Variants in CFAP46 observed in about 807,000 individuals in gnomAD.
CFAP46 encodes the protein cilia and flagella associated protein 46, also known as cilia- and flagella-associated protein 46.
Under a neutral mutation model 325.7 loss-of-function variants are expected in CFAP46, and 245 were observed. That is an observed-to-expected ratio of 0.75 (90% CI 0.68 to 0.84). The LOEUF is 0.84. CFAP46 is among the 40% of genes least tolerant of loss of function. CFAP46 has a pLI of 0.00. For missense variants in CFAP46, 3,346 were observed against 3,543.0 expected, an observed-to-expected ratio of 0.94 and a Z score of 1.41; for synonymous variants, 1,523 against 1,495.9, an observed-to-expected ratio of 1.02 and a Z score of -0.42.
chr10:132,942,303 C>T, intron 1 of CFAP46, 133 bp downstream of exon 1: 1 of 1,052,856 alleles, frequency 9.5e-7, no homozygotes, highest in African/African-American at 1.6e-5. Context: ...GAGGTGGGGG[C>T]TCCGGCTGTG....
At chr10:132,937,777 T>G (rs1339801765) in intron 5 of CFAP46, 102 bp from the exon 6 acceptor site, 1 of 1,468,284 alleles carries the variant, frequency 6.8e-7, no homozygotes, top group African/African-American at 1.4e-5. Flanking sequence ...TTTCACAAAG[T>G]TTAAAAGCTA....
intron 25 of CFAP46, among the ~76,000 whole-genome samples, chr10:132,888,001 C>CTCTCTCCTCTCCCCTCT (rs1261348219): frequency 8.3e-4 from 80 of 96,614 alleles, no homozygotes; most frequent in South Asian, 1.2e-3. Context: ...CCCCTCTTCT[C>CTCTCTCCTCTCCCCTCT]TCTCTCCTCT....
intron 22 of CFAP46, among the ~76,000 whole-genome samples, chr10:132,906,818 G>A (rs1230038246): frequency 1.4e-5 from 2 of 147,960 alleles, no homozygotes; most frequent in Non-Finnish European, 3.0e-5. Flanking sequence ...TGGGCAATGA[G>A]AAGAGTGAAC....
intron 7 of CFAP46, among the ~76,000 whole-genome samples, chr10:132,935,194 T>C (rs1208284863): frequency 6.6e-6 from 1 of 152,082 alleles, no homozygotes; most frequent in African/African-American, 2.4e-5. Flanking sequence ...TGGGCCAGCA[T>C]TGCTCTCTCC....
intron 43 of CFAP46, 66 bp downstream of exon 43, chr10:132,846,866 C>G (rs1328783308): frequency 2.6e-6 from 4 of 1,517,404 alleles, no homozygotes; most frequent in Non-Finnish European, 3.5e-6. Context: ...AGGGCCCCAG[C>G]TGAAGCCCAG....
At chr10:132,833,229 A>G in intron 50 of CFAP46, 129 bp downstream of exon 50, 1 of 929,520 alleles carries the variant, frequency 1.1e-6, no homozygotes, top group Non-Finnish European at 1.6e-6. Flanking sequence ...GAATGAATAA[A>G]TGCCTAGAAA....
rs1233334599 is a variant in CFAP46, at chr10:132,847,650, C to G, written c.5953-329G>C. 1.3e-5 allele frequency among the ~76,000 whole-genome samples: 2 copies of G among 152,034 alleles called. No homozygotes were observed. Among genetic ancestry groups the G allele is most frequent in the Non-Finnish European group, 2.9e-5 (2 of 67,992 alleles). ...ACACATTCCCAGGGGGCTCTCGTTC[C>G]TGTCCTTTGGAAACACCTCTCCCGG... On this transcript the variant is annotated intron_variant, in intron 41 of 57. Coordinates refer to ENST00000368586, the MANE Select transcript of CFAP46 (RefSeq NM_001200049.3). The surrounding 1 kb of genome is among the most constrained non-coding windows in gnomAD (Gnocchi z 5.2).
chr10:132,936,885 C>T, intron 7 of CFAP46, 76 bp downstream of exon 7: 3 of 820,368 alleles, frequency 3.7e-6, no homozygotes, highest in Non-Finnish European at 5.4e-6. Context: ...GACCTCCCCC[C>T]ATGGAGGGGA....
chr10:132,858,304 G>A (rs1480527798), intron 38 of CFAP46, among the ~76,000 whole-genome samples: 2 of 143,270 alleles, frequency 1.4e-5, no homozygotes, highest in East Asian at 2.0e-4. Context: ...GGGGCAGGGA[G>A]GTGGGCGGGG....
chr10:132,901,311 T>G (rs914843097), intron 22 of CFAP46, among the ~76,000 whole-genome samples: 6 of 152,290 alleles, frequency 3.9e-5, no homozygotes, highest in Admixed American at 6.5e-5. Context: ...ATCCACCATT[T>G]GGTCCTTGCT....
intron 50 of CFAP46, among the ~76,000 whole-genome samples, chr10:132,815,206 T>C (rs981451225): frequency 1.3e-5 from 2 of 152,226 alleles, no homozygotes; most frequent in Non-Finnish European, 1.5e-5. Context: ...GTGCCTGCCA[T>C]GCCCGGGCCC....
chr10:132,919,040 G>T lies in CFAP46; in HGVS notation c.1858+275C>A, dbSNP rs1281903264. On this transcript the variant is annotated intron_variant, in intron 15 of 57. Transcript: ENST00000368586. The surrounding 1 kb of genome is among the most constrained non-coding windows in gnomAD (Gnocchi z 9.7). ...GCCCCGCATGGGCATCTGCTCACTG[G>T]CTGTGGTGGCCCCTGCCTGAGCCTC... 4.6e-5 allele frequency among the ~76,000 whole-genome samples: 7 copies of T among 152,218 alleles called. No homozygotes were observed. Among genetic ancestry groups the T allele is most frequent in the Non-Finnish European group, 8.8e-5 (6 of 68,036 alleles).
At chr10:132,818,845 C>T in intron 50 of CFAP46, among the ~76,000 whole-genome samples, 1 of 147,998 alleles carries the variant, frequency 6.8e-6, no homozygotes, top group Non-Finnish European at 1.5e-5. Context: ...CAGAGTGAGA[C>T]TCCATCTCCA....
chr10:132,924,931 G>A (rs1350360552), intron 10 of CFAP46, 45 bp from the exon 11 acceptor site: 9 of 1,355,636 alleles, frequency 6.6e-6, no homozygotes, highest in African/African-American at 3.2e-5. Flanking sequence ...GCTGGCTCGA[G>A]CTGCGGGGCT....
At chr10:132,863,540 C>T (rs1431728378) in intron 35 of CFAP46, among the ~76,000 whole-genome samples, 1 of 151,598 alleles carries the variant, frequency 6.6e-6, no homozygotes, top group African/African-American at 2.4e-5. Context: ...GAGACCTGCA[C>T]ACACCTGTCC....
chr10:132,842,871 C>T (rs1848367157), intron 44 of CFAP46, among the ~76,000 whole-genome samples: 2 of 152,136 alleles, frequency 1.3e-5, no homozygotes, highest in South Asian at 4.1e-4. Context: ...AGCCCCACTC[C>T]CATGATAACC....
At position 132,887,332 on chromosome 10, in the gene CFAP46, TTCTC is replaced by T. The variant is rs1174044156; in HGVS notation, c.3305-1377_3305-1374del. On this transcript the variant is annotated intron_variant, in intron 25 of 57. Coordinates refer to ENST00000368586, the MANE Select transcript of CFAP46 (RefSeq NM_001200049.3). ...TTCTCTCCCCTCTCTCCTCTCTCGCTTCTCTCTCTCCTCTCCTCTCCTCCCCTCT... is the reference window on the plus strand; with the variant it reads ...TTCTCTCCCCTCTCTCCTCTCTCGCTTCTCTCCTCTCCTCTCCTCCCCTCT... Among the ~76,000 whole-genome samples the T allele has an allele frequency of 5.1e-5, 4 of 77,850 alleles. 1 individual carries two copies. The highest frequency in any genetic ancestry group is 1.2e-4 in the African/African-American group (2 of 16,536). 51.1% of individuals were successfully genotyped at this position (77,850 alleles called of 152,430 possible). A position where few individuals can be genotyped will look rare whatever the true frequency, so the allele number is the denominator to read the frequency against.
intron 25 of CFAP46, among the ~76,000 whole-genome samples, chr10:132,890,431 A>T (rs1210750609): frequency 6.6e-6 from 1 of 151,942 alleles, no homozygotes; most frequent in Non-Finnish European, 1.5e-5. Context: ...AGTCACTTGG[A>T]CCCCCGTCAC....
chr10:132,889,056 T>C lies in CFAP46; in HGVS notation c.3305-3097A>G, dbSNP rs1329809053. On this transcript the variant is annotated intron_variant, in intron 25 of 57. Transcript: ENST00000368586. The surrounding 1 kb of genome is among the most constrained non-coding windows in gnomAD (Gnocchi z 6.0). ...TCTTTTCAGAAGTCTGGTGCTTTTCTGTAATTTTAAAGATAAACAGTATGA... is the reference window on the plus strand; with the variant it reads ...TCTTTTCAGAAGTCTGGTGCTTTTCCGTAATTTTAAAGATAAACAGTATGA... Among the ~76,000 whole-genome samples, 1 of 152,218 alleles carries C rather than the reference T, an allele frequency of 6.6e-6. No individual in the cohort carries two copies. The highest frequency in any genetic ancestry group is 2.4e-5 in the African/African-American group (1 of 41,456).
Sources: gnomAD v4.1 joint callset for allele counts (sites outside exome capture counted in the v4.1 genomes callset) on GRCh38, gnomAD v4.1.1 for gene constraint, Gnocchi (gnomAD v3.1) non-coding constraint, MANE v1.5 for transcripts, NCBI Gene and HGNC (gene_info 2026-07-23, HGNC 2026-07-21) for gene names.